Variants in BACC1 observed in about 807,000 individuals in gnomAD.
BACC1 encodes BPTF-associated chromatin complex component 1.
chr17:7,017,030 C>T, the BACC1 span: 2 of 1,599,688 alleles, frequency 1.3e-6, no homozygotes, highest in African/African-American at 2.7e-5. Flanking sequence ...AGTCCTCCTC[C>T]TCCCACACAG....
chr17:7,015,340 C>T, the BACC1 span: 3 of 1,373,902 alleles, frequency 2.2e-6, no homozygotes, highest in Admixed American at 1.1e-4. Context: ...TACAGACAGG[C>T]CCATAGCCCA....
the BACC1 span, chr17:7,016,185 A>G: frequency 1.9e-6 from 1 of 519,110 alleles, no homozygotes; most frequent in Non-Finnish European, 3.4e-6. Flanking sequence ...TTCCAGGGAT[A>G]TGGTGACCCT....
the BACC1 span, chr17:7,015,466 CTG>C: frequency 2.2e-6 from 3 of 1,373,180 alleles, no homozygotes; most frequent in Middle Eastern, 8.2e-4. Context: ...GTTGGTGGGT[CTG>C]TTTTGAAAAG....
the BACC1 span, chr17:7,016,485 T>G: frequency 6.2e-7 from 1 of 1,611,624 alleles, no homozygotes; most frequent in Non-Finnish European, 8.5e-7. Context: ...CTCTTCTCTC[T>G]TTTCTTCAGG....
the BACC1 span, chr17:7,016,882 T>C: frequency 1.2e-5 from 19 of 1,598,730 alleles, no homozygotes; most frequent in Admixed American, 2.5e-4. Context: ...CAGGGGAACC[T>C]AGAACCTAGC....
the BACC1 span, chr17:7,017,098 G>GC: frequency 1.3e-6 from 2 of 1,530,520 alleles, no homozygotes; most frequent in Admixed American, 1.7e-5. Flanking sequence ...CTCCGCAGGG[G>GC]CCCCTCCCTT....
chr17:7,015,860 T>C, the BACC1 span: 5 of 1,613,956 alleles, frequency 3.1e-6, no homozygotes, highest in Non-Finnish European at 4.2e-6. Context: ...AGCTGTGTCA[T>C]CAAGGAACGG....
At chr17:7,016,614 C>T in the BACC1 span, 1 of 1,614,172 alleles carries the variant, frequency 6.2e-7, no homozygotes, top group Non-Finnish European at 8.5e-7. Flanking sequence ...TCACCTCCTC[C>T]AGCTGCCCCT....
the BACC1 span, chr17:7,014,851 CG>C: frequency 7.8e-6 from 12 of 1,532,166 alleles, no homozygotes; most frequent in Non-Finnish European, 9.6e-6. This position sits in a 1 kb window ranked among gnomAD's most constrained non-coding sequence, Gnocchi z 4.5. Context: ...AGGAGGCGCG[CG>C]GGGCCATGAC....
the BACC1 span, chr17:7,017,505 A>T: frequency 1.4e-6 from 1 of 717,334 alleles, no homozygotes; most frequent in Non-Finnish European, 2.6e-6. Context: ...AGAAAACAAT[A>T]AAGATTTCCC....
the BACC1 span, chr17:7,017,153 G>C: frequency 6.4e-7 from 1 of 1,563,978 alleles, no homozygotes; most frequent in Non-Finnish European, 8.8e-7. Context: ...CACAGCGCAG[G>C]GCATTGGATC....
At chr17:7,016,228 G>A in the BACC1 span, 1 of 532,526 alleles carries the variant, frequency 1.9e-6, no homozygotes, top group South Asian at 2.5e-5. Context: ...CAATCCACCT[G>A]TAAATCACCA....
chr17:7,017,158 T>C, the BACC1 span: 1 of 1,571,216 alleles, frequency 6.4e-7, no homozygotes, highest in South Asian at 1.1e-5. Flanking sequence ...CGCAGGGCAT[T>C]GGATCAGTAC....
the BACC1 span, chr17:7,015,146 T>A: frequency 6.3e-7 from 1 of 1,576,188 alleles, no homozygotes; most frequent in East Asian, 2.5e-5. Context: ...GGCCGACTCT[T>A]CTCCTGCGGG....
At chr17:7,014,958 C>A in the BACC1 span, 1 of 1,461,200 alleles carries the variant, frequency 6.8e-7, no homozygotes, top group South Asian at 1.3e-5. The surrounding 1 kb of genome is among the most constrained non-coding windows in gnomAD (Gnocchi z 4.5). Flanking sequence ...CTCTTCCGCC[C>A]CGGGCGGGGG....
the BACC1 span, chr17:7,015,869 G>A: frequency 3.7e-6 from 6 of 1,613,894 alleles, no homozygotes; most frequent in South Asian, 2.2e-5. Flanking sequence ...ATCAAGGAAC[G>A]GACAGTGTGA....
At chr17:7,016,246 C>G in the BACC1 span, 1 of 546,796 alleles carries the variant, frequency 1.8e-6, no homozygotes. Flanking sequence ...CCAAGCTCTA[C>G]CTGATGTCTC....
At chr17:7,016,449 G>A in the BACC1 span, 1 of 1,585,714 alleles carries the variant, frequency 6.3e-7, no homozygotes, top group Non-Finnish European at 8.6e-7. Flanking sequence ...TCTTCTGTTA[G>A]TCTCTCTGAT....
At chr17:7,016,987 C>T in the BACC1 span, 1 of 1,613,936 alleles carries the variant, frequency 6.2e-7, no homozygotes. Flanking sequence ...AGAAACTCCT[C>T]CAGCTAAGAA....
Sources: allele counts gnomAD v4.1 joint callset, GRCh38; gene constraint gnomAD v4.1.1; non-coding constraint Gnocchi (gnomAD v3.1); transcripts MANE v1.5; gene names NCBI Gene and HGNC (gene_info 2026-07-23, HGNC 2026-07-21).